The following CNTNAP2 variants were observed in gnomAD, a reference collection of about 807,000 sequenced individuals.
CNTNAP2 encodes the protein contactin-associated protein-like 2.
CNTNAP2 carries 98 observed loss-of-function variants against 155.2 expected under a neutral mutation model. The ratio of observed to expected loss-of-function variants is 0.63; its 90% CI spans 0.54 to 0.75. The LOEUF is 0.75. Ranked by LOEUF, CNTNAP2 falls within the 30% of genes least tolerant of loss-of-function variation. The pLI, the probability that CNTNAP2 is intolerant of heterozygous loss-of-function variation, is 0.00. For missense variants in CNTNAP2, 1,727 were observed against 1,688.1 expected (o/e 1.02, Z -0.40); for synonymous variants, 651 against 631.2 (o/e 1.03, Z -0.47).
At chr7:146,968,545 G>T (rs562537912) in intron 3 of CNTNAP2, among the ~76,000 whole-genome samples, 1 of 152,104 alleles carries the variant, frequency 6.6e-6, no homozygotes, top group Non-Finnish European at 1.5e-5. Flanking sequence ...TTGGGAGGGT[G>T]TATGTGTCGA....
chr7:147,252,792 C>T (rs906772327), intron 8 of CNTNAP2, among the ~76,000 whole-genome samples: 1 of 152,162 alleles, frequency 6.6e-6, no homozygotes, highest in African/African-American at 2.4e-5. Context: ...TACAAAAAAT[C>T]ATCCCAATTA....
chr7:147,051,580 T>A lies in CNTNAP2; in HGVS notation c.550+7526T>A, dbSNP rs550391932. On this transcript the variant is annotated intron_variant, in intron 4 of 23. Transcript: ENST00000361727. Reference sequence around the variant, plus strand: ...AACAGAAATTAGGGGTAAAGGAGCATTCAAGACAAGAACTAACATTTTCAA... The same window carrying A: ...AACAGAAATTAGGGGTAAAGGAGCAATCAAGACAAGAACTAACATTTTCAA... 3.9e-5 allele frequency among the ~76,000 whole-genome samples: 6 copies of A among 152,222 alleles called. No homozygotes were observed. In the East Asian group the frequency reaches 9.6e-4, roughly 24 times the overall value.
At chr7:146,316,530 G>A (rs181201205) in intron 1 of CNTNAP2, among the ~76,000 whole-genome samples, 24 of 152,144 alleles carry the variant, frequency 1.6e-4, no homozygotes, top group African/African-American at 2.2e-4. Context: ...TTAGGACCCC[G>A]GGGGTGATAA....
chr7:148,326,024 C>A (rs2116545954), intron 21 of CNTNAP2, among the ~76,000 whole-genome samples: 1 of 152,280 alleles, frequency 6.6e-6, no homozygotes, highest in East Asian at 1.9e-4. Flanking sequence ...CTTTCTCCAA[C>A]CTGGAGACTC....
chr7:148,367,877 G>C (rs188424472), intron 21 of CNTNAP2, among the ~76,000 whole-genome samples: 1,679 of 152,168 alleles, frequency 0.011, 35 homozygotes, highest in African/African-American at 0.038. Flanking sequence ...CTGAAGTGTA[G>C]ATGGAAGTCC....
At position 147,196,375 on chromosome 7, in the gene CNTNAP2, A is replaced by C. The variant is rs78807314; in HGVS notation, c.1348+63866A>C. ...AGACCCACCTAGCAAATGTGTGCTG[A>C]ATTTGCTAAAAGTAAAATATTAGCT... On this transcript the variant is annotated intron_variant, in intron 8 of 23. Coordinates refer to ENST00000361727, the MANE Select transcript of CNTNAP2 (RefSeq NM_014141.6). 8.9e-3 allele frequency among the ~76,000 whole-genome samples: 1,351 copies of C among 152,316 alleles called. 19 individuals are homozygous for C. The highest frequency in any genetic ancestry group is 0.031 in the African/African-American group (1,301 of 41,568).
chr7:146,692,271 T>A (rs1001698801), intron 1 of CNTNAP2, among the ~76,000 whole-genome samples: 2 of 152,164 alleles, frequency 1.3e-5, no homozygotes, highest in African/African-American at 4.8e-5. Flanking sequence ...AAAATGCATT[T>A]AGGAAATGCC....
rs1457122930 is a variant in CNTNAP2, at chr7:146,336,086, C to A, written c.97+219113C>A. 1.1e-4 allele frequency among the ~76,000 whole-genome samples: 16 copies of A among 151,710 alleles called. No individual in the cohort carries two copies. The East Asian group carries it at 3.1e-3, about 30-fold the overall frequency. On this transcript the variant is annotated intron_variant, in intron 1 of 23. Coordinates refer to ENST00000361727, the MANE Select transcript of CNTNAP2 (RefSeq NM_014141.6). ...TGGTGGCACATGCCTGTAATCCCAG[C>A]TACTCGGGAGGATGAGGCAGGAGAA...
intron 1 of CNTNAP2, among the ~76,000 whole-genome samples, chr7:146,289,263 G>A (rs1412747649): frequency 6.6e-6 from 1 of 152,134 alleles, no homozygotes; most frequent in Non-Finnish European, 1.5e-5. Flanking sequence ...AAGTTAAGAA[G>A]GCATATTTTA....
chr7:146,154,374 T>A (rs1798094772), intron 1 of CNTNAP2, among the ~76,000 whole-genome samples: 1 of 152,334 alleles, frequency 6.6e-6, no homozygotes, highest in Non-Finnish European at 1.5e-5. Flanking sequence ...CAGTGTTTTT[T>A]AATATTGATT....
At chr7:147,626,386 C>T (rs1433377669) in intron 12 of CNTNAP2, among the ~76,000 whole-genome samples, 1 of 151,552 alleles carries the variant, frequency 6.6e-6, no homozygotes, top group African/African-American at 2.4e-5. Context: ...CCCCACTTCT[C>T]TGGTGAACTA....
chr7:146,535,553 C>T (rs1020870448), intron 1 of CNTNAP2, among the ~76,000 whole-genome samples: 1 of 147,602 alleles, frequency 6.8e-6, no homozygotes, highest in Non-Finnish European at 1.5e-5. Context: ...CTTTCTAATT[C>T]GTATTTTTTA....
rs199715519 is a variant in CNTNAP2, at chr7:146,909,032, C to T, written c.402+69128C>T. ...AGAGAATACTACAAACACCTCTACGCAAATAAACTAGAAAATCTAGAAGAA... is the reference window on the plus strand; with the variant it reads ...AGAGAATACTACAAACACCTCTACGTAAATAAACTAGAAAATCTAGAAGAA... On this transcript the variant is annotated intron_variant, in intron 3 of 23. Transcript: ENST00000361727. 1.8e-4 allele frequency among the ~76,000 whole-genome samples: 28 copies of T among 151,446 alleles called. 1 individual carries two copies. In the East Asian group the frequency reaches 5.4e-3, roughly 29 times the overall value.
intron 2 of CNTNAP2, among the ~76,000 whole-genome samples, chr7:146,782,616 G>T (rs78559648): frequency 6.6e-6 from 1 of 152,168 alleles, no homozygotes; most frequent in African/African-American, 2.4e-5. Flanking sequence ...GGAATAATTT[G>T]TCATCTGAGT....
At chr7:148,161,425 G>C (rs1232385883) in intron 17 of CNTNAP2, among the ~76,000 whole-genome samples, 4 of 152,076 alleles carry the variant, frequency 2.6e-5, no homozygotes, top group Non-Finnish European at 5.9e-5. Flanking sequence ...TTCAGGGCCT[G>C]CATTGAGCTC....
In CNTNAP2 at chr7:148,008,025, G is replaced by C. The variant is rs145127868; in HGVS notation, c.2383+30036G>C. Among the ~76,000 whole-genome samples the C allele has an allele frequency of 3.3e-5, 5 of 152,150 alleles. No homozygotes were observed. The East Asian group carries it at 5.8e-4, about 18-fold the overall frequency. On this transcript the variant is annotated intron_variant, in intron 15 of 23. Coordinates refer to ENST00000361727, the MANE Select transcript of CNTNAP2 (RefSeq NM_014141.6). The stretch of plus-strand genomic sequence containing the variant: ...GATCTATAAATGCGGAGATTTTCCT[G>C]CAATTCGCTGGGTAGGTAGAATCTA...
At chr7:146,827,824 A>G (rs981164637) in intron 2 of CNTNAP2, among the ~76,000 whole-genome samples, 3 of 152,172 alleles carry the variant, frequency 2.0e-5, no homozygotes, top group African/African-American at 7.2e-5. Context: ...AATACATACA[A>G]CATGAAGCTC....
intron 3 of CNTNAP2, among the ~76,000 whole-genome samples, chr7:147,019,723 A>G (rs1029206054): frequency 2.6e-5 from 4 of 152,284 alleles, no homozygotes; most frequent in Non-Finnish European, 5.9e-5. Context: ...TTCAAACATA[A>G]TATGAGAATA....
chr7:146,426,110 C>T (rs1796083420), intron 1 of CNTNAP2, among the ~76,000 whole-genome samples: 1 of 136,076 alleles, frequency 7.3e-6, no homozygotes, highest in Non-Finnish European at 1.5e-5. Context: ...CTTTTGAACT[C>T]GGGAGGCGGA....
Sources: gnomAD v4.1 joint callset for allele counts (sites outside exome capture counted in the v4.1 genomes callset) on GRCh38, gnomAD v4.1.1 for gene constraint, MANE v1.5 for transcripts, NCBI Gene and HGNC (gene_info 2026-07-23, HGNC 2026-07-21) for gene names.